The following TAFA2 variants were observed in gnomAD, a reference collection of about 807,000 sequenced individuals.
TAFA2 encodes TAFA chemokine like family member 2, also known as chemokine-like protein TAFA-2.
TAFA2 carries 7 observed loss-of-function variants against 18.8 expected under a neutral mutation model. The observed-to-expected ratio is 0.37, with a 90% confidence interval of 0.21 to 0.70. TAFA2 has a LOEUF of 0.70. TAFA2 is among the 30% of genes least tolerant of loss of function. The pLI, the probability that TAFA2 is intolerant of heterozygous loss-of-function variation, is 0.53. For synonymous variants in TAFA2, 60 were observed against 54.2 expected, an observed-to-expected ratio of 1.11 and a Z score of -0.47; for missense variants, 122 against 158.1, an observed-to-expected ratio of 0.77 and a Z score of 1.23.
chr12:61,893,537 G>A (rs958585536), intron 1 of TAFA2, among the ~76,000 whole-genome samples: 1 of 152,266 alleles, frequency 6.6e-6, no homozygotes, highest in Admixed American at 6.5e-5. Flanking sequence ...AGAATGGCAG[G>A]ACGAAAGCTC....
At chr12:61,856,928 C>T (rs539439956) in intron 2 of TAFA2, among the ~76,000 whole-genome samples, 1 of 151,564 alleles carries the variant, frequency 6.6e-6, no homozygotes, top group Admixed American at 6.6e-5. Flanking sequence ...AAGAAATGCT[C>T]ACAAAAAGTG....
At chr12:62,018,960 A>G (rs1367279551) in intron 1 of TAFA2, among the ~76,000 whole-genome samples, 14 of 152,176 alleles carry the variant, frequency 9.2e-5, no homozygotes, top group Non-Finnish European at 1.8e-4. Context: ...TCTACAATGA[A>G]CTCAAACAAA....
At chr12:61,752,506 G>T (rs2120751703) in intron 4 of TAFA2, among the ~76,000 whole-genome samples, 1 of 152,054 alleles carries the variant, frequency 6.6e-6, no homozygotes, top group East Asian at 1.9e-4. Context: ...CTAGCTCACT[G>T]AATAATATAA....
chr12:62,024,288 T>C (rs543770513), intron 1 of TAFA2, among the ~76,000 whole-genome samples: 1 of 152,258 alleles, frequency 6.6e-6, no homozygotes, highest in Admixed American at 6.5e-5. Flanking sequence ...TGTAGTATAT[T>C]AATAGAAAAT....
chr12:62,107,855 G>A (rs1271454019), intron 1 of TAFA2, among the ~76,000 whole-genome samples: 1 of 152,132 alleles, frequency 6.6e-6, no homozygotes, highest in Non-Finnish European at 1.5e-5. Flanking sequence ...GTATCTGCAA[G>A]AGGCCATAAA....
At chr12:62,082,865 AACTTAAC>A (rs1184095004) in intron 1 of TAFA2, among the ~76,000 whole-genome samples, 5 of 152,206 alleles carry the variant, frequency 3.3e-5, no homozygotes, top group Admixed American at 1.3e-4. Flanking sequence ...CAAAAAAGGA[AACTTAAC>A]ACTTAACACA....
At chr12:62,107,776 A>T (rs1007587889) in intron 1 of TAFA2, among the ~76,000 whole-genome samples, 1 of 152,192 alleles carries the variant, frequency 6.6e-6, no homozygotes, top group African/African-American at 2.4e-5. Context: ...CTCCTGGATG[A>T]CTGAAATAAG....
At chr12:61,966,631 A>C (rs1879077669) in intron 1 of TAFA2, among the ~76,000 whole-genome samples, 2 of 151,918 alleles carry the variant, frequency 1.3e-5, no homozygotes. Context: ...CATCCATGTC[A>C]TCAAGTCTGT....
chr12:62,151,753 A>T (rs1050203954), intron 1 of TAFA2, among the ~76,000 whole-genome samples: 4 of 152,214 alleles, frequency 2.6e-5, no homozygotes, highest in African/African-American at 9.6e-5. Flanking sequence ...TCTACTTCTA[A>T]TCATGCTTTA....
At chr12:61,893,298 G>A (rs1459982544) in intron 1 of TAFA2, among the ~76,000 whole-genome samples, 1 of 152,180 alleles carries the variant, frequency 6.6e-6, no homozygotes, top group Non-Finnish European at 1.5e-5. Flanking sequence ...AGTGAAGTGG[G>A]AGGAAAGTAG....
At chr12:62,022,842 A>G (rs759342616) in intron 1 of TAFA2, among the ~76,000 whole-genome samples, 3 of 152,182 alleles carry the variant, frequency 2.0e-5, no homozygotes, top group Non-Finnish European at 4.4e-5. Context: ...CTGGGAAGAT[A>G]TGAGTGTATA....
At chr12:61,801,250 G>T (rs1362397173) in intron 2 of TAFA2, among the ~76,000 whole-genome samples, 1 of 151,970 alleles carries the variant, frequency 6.6e-6, no homozygotes, top group African/African-American at 2.4e-5. Context: ...GTCATTATTT[G>T]CAGAAATAAA....
chr12:61,864,350 A>C lies in TAFA2; in HGVS notation c.106+2970T>G, dbSNP rs552716989. ...AGAAATATATAGAAATATATGGTAT[A>C]TATTTCTATATATATATACCTATAT... On this transcript the variant is annotated intron_variant, in intron 2 of 4. Coordinates refer to ENST00000416284, the MANE Select transcript of TAFA2 (RefSeq NM_178539.5). 2.0e-5 allele frequency among the ~76,000 whole-genome samples: 3 copies of C among 149,484 alleles called. No individual in the cohort carries two copies. The South Asian group carries it at 6.3e-4, about 31-fold the overall frequency.
chr12:62,085,627 G>A (rs1868419241), intron 1 of TAFA2, among the ~76,000 whole-genome samples: 1 of 152,204 alleles, frequency 6.6e-6, no homozygotes, highest in South Asian at 2.1e-4. Flanking sequence ...GGAATGTAGT[G>A]TAAGACAGGC....
At chr12:62,087,084 G>T (rs1868485406) in intron 1 of TAFA2, among the ~76,000 whole-genome samples, 1 of 152,094 alleles carries the variant, frequency 6.6e-6, no homozygotes, top group South Asian at 2.1e-4. Flanking sequence ...ACTTAGAGTA[G>T]TCAAATTTGT....
chr12:62,251,088 C>T (rs554994694), intron 1 of TAFA2, among the ~76,000 whole-genome samples: 2 of 150,386 alleles, frequency 1.3e-5, no homozygotes, highest in Non-Finnish European at 3.0e-5. Context: ...GTATAAAGTA[C>T]AGTGCTGCCA....
chr12:61,978,793 G>T (rs1879526781), intron 1 of TAFA2, among the ~76,000 whole-genome samples: 1 of 152,078 alleles, frequency 6.6e-6, no homozygotes, highest in African/African-American at 2.4e-5. Flanking sequence ...GATGCCAGTA[G>T]CTCATGTATC....
chr12:62,169,829 C>A (rs1343022875), intron 1 of TAFA2, among the ~76,000 whole-genome samples: 2 of 129,080 alleles, frequency 1.5e-5, no homozygotes, highest in Admixed American at 9.4e-5. Flanking sequence ...CCAGACTGGG[C>A]GACAGGGCGA....
chr12:62,019,306 C>A (rs2136725914), intron 1 of TAFA2, among the ~76,000 whole-genome samples: 1 of 152,076 alleles, frequency 6.6e-6, no homozygotes, highest in Non-Finnish European at 1.5e-5. Context: ...ACCATTTGAC[C>A]TAGCCATCCC....
Sources: gnomAD v4.1 joint callset for allele counts (sites outside exome capture counted in the v4.1 genomes callset) on GRCh38, gnomAD v4.1.1 for gene constraint, MANE v1.5 for transcripts, NCBI Gene and HGNC (gene_info 2026-07-23, HGNC 2026-07-21) for gene names.